The following CNTNAP2 variants were observed in gnomAD, a reference collection of about 807,000 sequenced individuals.
The protein encoded by CNTNAP2 is contactin-associated protein-like 2.
In CNTNAP2, 98 loss-of-function variants were observed where a neutral mutation model predicts 155.2. The observed-to-expected ratio is 0.63, with a 90% CI of 0.54 to 0.75. The LOEUF is 0.75. CNTNAP2 is among the 30% of genes least tolerant of loss of function. The probability of loss-of-function intolerance (pLI) is 0.00; values close to 1 mark genes in which losing one functional copy is unlikely to be tolerated. For missense variants in CNTNAP2, 1,727 were observed against 1,688.1 expected (o/e 1.02, Z -0.40); for synonymous variants, 651 against 631.2 (o/e 1.03, Z -0.47).
intron 21 of CNTNAP2, among the ~76,000 whole-genome samples, chr7:148,315,619 ATGT>A (rs1485016674): frequency 1.3e-5 from 2 of 152,208 alleles, no homozygotes; most frequent in East Asian, 1.9e-4. Flanking sequence ...CCTGACAAAA[ATGT>A]TGTTAATTGC....
At chr7:147,616,778 G>A (rs139025614) in intron 12 of CNTNAP2, among the ~76,000 whole-genome samples, 2,313 of 152,130 alleles carry the variant, frequency 0.015, 167 homozygotes, top group Admixed American at 0.13. Context: ...TAGACTGTAA[G>A]TTGCCTGAGA....
intron 13 of CNTNAP2, among the ~76,000 whole-genome samples, chr7:147,773,979 C>T (rs1797516667): frequency 6.6e-6 from 1 of 152,120 alleles, no homozygotes; most frequent in African/African-American, 2.4e-5. Context: ...GAAAAATCAC[C>T]CACTTCCCTA....
intron 1 of CNTNAP2, among the ~76,000 whole-genome samples, chr7:146,426,926 C>T (rs1052972104): frequency 1.3e-5 from 2 of 151,856 alleles, no homozygotes; most frequent in African/African-American, 4.8e-5. Flanking sequence ...TTGAGTTAGC[C>T]GTTCCACAAT....
At chr7:147,288,550 CAG>C (rs906700900) in intron 8 of CNTNAP2, among the ~76,000 whole-genome samples, 8 of 152,176 alleles carry the variant, frequency 5.3e-5, no homozygotes, top group Non-Finnish European at 7.4e-5. Context: ...CATAAGAAAT[CAG>C]AGAAAGCAGA....
intron 8 of CNTNAP2, among the ~76,000 whole-genome samples, chr7:147,246,359 A>G (rs1413647846): frequency 6.6e-6 from 1 of 152,074 alleles, no homozygotes; most frequent in African/African-American, 2.4e-5. Context: ...CACCTCAATA[A>G]GAAGGATGTC....
chr7:146,184,695 T>C (rs1157626120), intron 1 of CNTNAP2, among the ~76,000 whole-genome samples: 1 of 152,180 alleles, frequency 6.6e-6, no homozygotes, highest in Non-Finnish European at 1.5e-5. Flanking sequence ...TTGCTGAATA[T>C]TTTACAAAGG....
At chr7:147,388,882 C>A (rs905724978) in intron 9 of CNTNAP2, among the ~76,000 whole-genome samples, 8 of 152,142 alleles carry the variant, frequency 5.3e-5, no homozygotes, top group African/African-American at 1.9e-4. Context: ...TCTTATGTTT[C>A]ATATGTGTAC....
intron 12 of CNTNAP2, among the ~76,000 whole-genome samples, chr7:147,633,735 G>T (rs906201694): frequency 6.6e-6 from 1 of 152,066 alleles, no homozygotes; most frequent in Non-Finnish European, 1.5e-5. Flanking sequence ...TTCCTCCTTT[G>T]CTCAACTCTC....
At chr7:146,227,319 G>C (rs1381491564) in intron 1 of CNTNAP2, among the ~76,000 whole-genome samples, 1 of 151,666 alleles carries the variant, frequency 6.6e-6, no homozygotes, top group Non-Finnish European at 1.5e-5. Flanking sequence ...CAGCTGCTGG[G>C]GAGGCTGAGA....
chr7:147,238,578 G>T lies in CNTNAP2; in HGVS notation c.1349-61563G>T, dbSNP rs111365082. Reference sequence around the variant, plus strand: ...TTTTTTCACATCAGAATCAATAAATGTTAGCCAACTCTCCTGCTTAATCGT... The same window carrying T: ...TTTTTTCACATCAGAATCAATAAATTTTAGCCAACTCTCCTGCTTAATCGT... On this transcript the variant is annotated intron_variant, in intron 8 of 23. Transcript: ENST00000361727. 3.9e-3 allele frequency among the ~76,000 whole-genome samples: 591 copies of T among 151,918 alleles called. 5 individuals are homozygous for T. Among genetic ancestry groups the T allele is most frequent in the African/African-American group, 0.014 (572 of 41,418 alleles).
rs111946520 is a variant in CNTNAP2, at chr7:147,394,619, T to C, written c.1499-990T>C. ...AGATACTTAATGGGATTGAAAAATA[T>C]CATTTTCTTATGGCCTACAAATTTT... On this transcript the variant is annotated intron_variant, in intron 9 of 23. Coordinates refer to ENST00000361727, the MANE Select transcript of CNTNAP2 (RefSeq NM_014141.6). 1.5e-4 allele frequency among the ~76,000 whole-genome samples: 23 copies of C among 152,066 alleles called. 1 individual carries two copies. The South Asian group carries it at 4.6e-3, about 30-fold the overall frequency.
At chr7:146,293,655 A>G (rs1396802047) in intron 1 of CNTNAP2, among the ~76,000 whole-genome samples, 1 of 152,110 alleles carries the variant, frequency 6.6e-6, no homozygotes, top group Non-Finnish European at 1.5e-5. Flanking sequence ...TGTCAAACAG[A>G]GGTATATATG....
intron 9 of CNTNAP2, among the ~76,000 whole-genome samples, chr7:147,369,596 C>T (rs1796308126): frequency 6.6e-6 from 1 of 152,152 alleles, no homozygotes; most frequent in Admixed American, 6.5e-5. Context: ...GTTTTGGAGG[C>T]CATATGGTCT....
chr7:147,099,365 A>C (rs969623404), intron 4 of CNTNAP2, among the ~76,000 whole-genome samples: 8 of 152,142 alleles, frequency 5.3e-5, no homozygotes, highest in African/African-American at 9.7e-5. Context: ...GCAAGGCCCC[A>C]GATGTCAAAG....
intron 10 of CNTNAP2, among the ~76,000 whole-genome samples, chr7:147,414,555 T>G (rs1381811139): frequency 6.6e-6 from 1 of 152,162 alleles, no homozygotes; most frequent in Non-Finnish European, 1.5e-5. Flanking sequence ...TTTCTTAATT[T>G]GGCTCTTTCA....
intron 1 of CNTNAP2, among the ~76,000 whole-genome samples, chr7:146,309,186 T>C (rs1426288301): frequency 2.0e-5 from 3 of 152,194 alleles, no homozygotes; most frequent in Admixed American, 6.5e-5. Flanking sequence ...ACCATTGATA[T>C]CTTACATACA....
At chr7:146,787,293 C>G (rs181439389) in intron 2 of CNTNAP2, among the ~76,000 whole-genome samples, 2 of 152,124 alleles carry the variant, frequency 1.3e-5, no homozygotes, top group Non-Finnish European at 2.9e-5. Context: ...TTTTTGGTCT[C>G]GCTGACTTCA....
In CNTNAP2 at chr7:147,408,026, T is replaced by C. The variant is rs528765156; in HGVS notation, c.1670+12246T>C. On this transcript the variant is annotated intron_variant, in intron 10 of 23. Transcript: ENST00000361727. ...AAAAGTTGAAAAGATCTATTTTTCA[T>C]TTATTCATTTATCCATTCATTCTAC... is the stretch of plus-strand genomic sequence containing the variant. Among the ~76,000 whole-genome samples, 3 of 152,366 alleles carry C rather than the reference T, an allele frequency of 2.0e-5. No individual in the cohort carries two copies. The East Asian group carries it at 5.8e-4, about 29-fold the overall frequency.
intron 10 of CNTNAP2, among the ~76,000 whole-genome samples, chr7:147,428,664 TA>T (rs1460523316): frequency 3.3e-5 from 5 of 152,188 alleles, no homozygotes; most frequent in Non-Finnish European, 5.9e-5. Context: ...GAACTTCCAT[TA>T]TTCACTTAAA....
Sources: allele counts gnomAD v4.1 joint callset (sites outside exome capture counted in the v4.1 genomes callset), GRCh38; gene constraint gnomAD v4.1.1; transcripts MANE v1.5; gene names NCBI Gene and HGNC (gene_info 2026-07-23, HGNC 2026-07-21).